Variants in SRGAP1 observed in about 807,000 individuals in gnomAD.
The protein encoded by SRGAP1 is SLIT-ROBO Rho GTPase-activating protein 1.
Under a neutral mutation model 121.9 loss-of-function variants are expected in SRGAP1, and 43 were observed. That is an observed-to-expected ratio of 0.35 (90% CI 0.28 to 0.46). SRGAP1 has a LOEUF of 0.46. Ranked by LOEUF, SRGAP1 falls within the 20% of genes least tolerant of loss-of-function variation. The probability of loss-of-function intolerance (pLI) is 1.00; values close to 1 mark genes in which losing one functional copy is unlikely to be tolerated. For synonymous variants in SRGAP1, 447 were observed against 485.4 expected (o/e 0.92, Z 1.04); for missense variants, 1,102 against 1,350.9 (o/e 0.82, Z 2.89).
intron 3 of SRGAP1, among the ~76,000 whole-genome samples, chr12:63,998,453 T>C (rs766154246): frequency 1.3e-5 from 2 of 152,128 alleles, no homozygotes; most frequent in Non-Finnish European, 2.9e-5. Context: ...CTGATGATGC[T>C]CATCACTGGA....
At chr12:64,005,805 CTTTTTATTT>C (rs1025160042) in intron 3 of SRGAP1, among the ~76,000 whole-genome samples, 1 of 152,080 alleles carries the variant, frequency 6.6e-6, no homozygotes, top group African/African-American at 2.4e-5. Context: ...CTTCTCTTCC[CTTTTTATTT>C]TTTCTGAAAC....
chr12:64,095,384 T>G (rs1055686555), intron 14 of SRGAP1, among the ~76,000 whole-genome samples, 180 bp downstream of exon 14: 4 of 152,162 alleles, frequency 2.6e-5, no homozygotes, highest in Non-Finnish European at 2.9e-5. Context: ...CTATAAGCCC[T>G]TGTTATTAAA....
At position 64,006,506 on chromosome 12, in the gene SRGAP1, G is replaced by A. The variant is rs570679528; in HGVS notation, c.427-10444G>A. Among the ~76,000 whole-genome samples, 3 of 152,262 alleles carry A rather than the reference G, an allele frequency of 2.0e-5. No individual in the cohort carries two copies. The South Asian group carries it at 6.2e-4, about 32-fold the overall frequency. Reference sequence around the variant, plus strand: ...CACAAGAATTTGAATCTCAGTTTGAGGAATTGGTATGTTGTTATCTAAGCA... The same window carrying A: ...CACAAGAATTTGAATCTCAGTTTGAAGAATTGGTATGTTGTTATCTAAGCA... On this transcript the variant is annotated intron_variant, in intron 3 of 21. Coordinates refer to ENST00000355086, the MANE Select transcript of SRGAP1 (RefSeq NM_020762.4).
intron 1 of SRGAP1, among the ~76,000 whole-genome samples, chr12:63,877,187 A>C (rs1363766243): frequency 6.6e-6 from 1 of 152,152 alleles, no homozygotes; most frequent in African/African-American, 2.4e-5. Context: ...TTGCGCCATT[A>C]CACTCCAGCT....
chr12:64,115,869 A>G lies in SRGAP1; in HGVS notation c.2200A>G (p.Thr734Ala), dbSNP rs771619538. The change falls in exon 18 of 22, where the codon ACA becomes GCA. Residue 734 changes from threonine to alanine, a missense_variant. This residue lies in a region of SRGAP1 where 747 missense variants were observed against 929.4 expected (regional missense o/e 0.80). Coordinates refer to ENST00000355086, the MANE Select transcript of SRGAP1 (RefSeq NM_020762.4). The part of the protein sequence containing the change: ...TLEEVDQDAG[T>A]EPHTSEDECE... ...GGAGGAAGTGGACCAAGATGCTGGT[A>G]CAGAGCCCCACACAAGTGAAGATGG... is the stretch of plus-strand genomic sequence containing the variant. The G allele has an allele frequency of 6.6e-5, 106 of 1,613,300 alleles. No homozygotes were observed. The highest frequency in any genetic ancestry group is 8.6e-5 in the Non-Finnish European group (102 of 1,179,564).
chr12:63,887,485 A>G (rs1379661277), intron 1 of SRGAP1: 1 of 152,278 alleles, frequency 6.6e-6, no homozygotes, highest in Non-Finnish European at 1.5e-5. Flanking sequence ...AAAGCTTTGC[A>G]GCCGAGAAGC....
chr12:64,091,379 G>GT lies in SRGAP1; in HGVS notation c.1539+2dup, dbSNP rs2036048929. ...TGGGGATTTGGAAACATTCGTCAAG[G>GT]TACTGGCACCAGCCATCTGGGTGGC... On this transcript the variant is annotated splice_donor_variant, in intron 12 of 21. Coordinates refer to ENST00000355086, the MANE Select transcript of SRGAP1 (RefSeq NM_020762.4). LOFTEE classifies it high-confidence loss of function. 4 of 1,600,878 alleles carry GT rather than the reference G, an allele frequency of 2.5e-6. 1 individual carries two copies. In the Admixed American group the frequency reaches 6.7e-5, roughly 27 times the overall value.
chr12:63,938,754 T>C (rs78887986), intron 1 of SRGAP1, among the ~76,000 whole-genome samples: 5 of 151,934 alleles, frequency 3.3e-5, no homozygotes, highest in Non-Finnish European at 5.9e-5. Flanking sequence ...TTTTTTTTTT[T>C]CCAGCCTGAA....
chr12:64,128,382 A>G (rs2036734020), intron 21 of SRGAP1, among the ~76,000 whole-genome samples, 182 bp downstream of exon 21: 1 of 152,192 alleles, frequency 6.6e-6, no homozygotes, highest in Admixed American at 6.5e-5. Flanking sequence ...TTTTTGAACA[A>G]TTTGTTACTG....
At chr12:64,069,506 G>A (rs184968766) in intron 8 of SRGAP1, among the ~76,000 whole-genome samples, 11 of 152,080 alleles carry the variant, frequency 7.2e-5, no homozygotes, top group African/African-American at 2.4e-4. Context: ...ACTTCCAGCC[G>A]ATCTGTCAGT....
chr12:64,152,619 C>G lies in SRGAP1; in HGVS notation c.*9947C>G, dbSNP rs2037130243. 1 of 152,222 alleles carries G rather than the reference C, an allele frequency of 6.6e-6. No homozygotes were observed. Among genetic ancestry groups the G allele is most frequent in the Non-Finnish European group, 1.5e-5 (1 of 68,054 alleles). The allele number at this position is 152,222 out of a possible 1,614,324, so 9.4% of individuals were successfully genotyped here. ...CTTTAGTTTCAGCCATAGCAAGCTA[C>G]CTTTCTTTGAAAATGTGATGCTGTG... On this transcript the variant is annotated 3_prime_UTR_variant, in exon 22 of 22. Transcript: ENST00000355086.
At chr12:63,940,402 TAAA>T (rs140140921) in intron 1 of SRGAP1, among the ~76,000 whole-genome samples, 4 of 117,994 alleles carry the variant, frequency 3.4e-5, no homozygotes, top group Non-Finnish European at 3.5e-5. Flanking sequence ...TTCCCCTACT[TAAA>T]AAAAAAAAAA....
At chr12:64,030,666 A>G (rs1024417170) in intron 4 of SRGAP1, among the ~76,000 whole-genome samples, 1 of 152,234 alleles carries the variant, frequency 6.6e-6, no homozygotes, top group Admixed American at 6.5e-5. Flanking sequence ...CATATCTGTA[A>G]GTATGTCAGC....
intron 6 of SRGAP1, among the ~76,000 whole-genome samples, chr12:64,046,242 A>G (rs1401883492): frequency 2.6e-5 from 4 of 152,188 alleles, no homozygotes; most frequent in African/African-American, 9.6e-5. Flanking sequence ...CAGAAGCCCT[A>G]TCACTTAGCA....
intron 6 of SRGAP1, among the ~76,000 whole-genome samples, chr12:64,057,828 A>G (rs1027286936): frequency 2.0e-5 from 3 of 152,168 alleles, no homozygotes; most frequent in Non-Finnish European, 4.4e-5. Flanking sequence ...ATTCCTTTCC[A>G]TTCTCACGAC....
At chr12:64,014,286 A>G (rs1025957038) in intron 3 of SRGAP1, among the ~76,000 whole-genome samples, 2 of 152,174 alleles carry the variant, frequency 1.3e-5, no homozygotes, top group African/African-American at 4.8e-5. Flanking sequence ...TATATATTTC[A>G]GGGCCTCTGG....
At chr12:63,946,643 A>G (rs924331152) in intron 1 of SRGAP1, among the ~76,000 whole-genome samples, 1 of 151,426 alleles carries the variant, frequency 6.6e-6, no homozygotes, top group Admixed American at 6.6e-5. Flanking sequence ...TGCTGGGTTC[A>G]AGCAATTCTT....
At chr12:63,972,628 C>T (rs7300256) in intron 1 of SRGAP1, among the ~76,000 whole-genome samples, 58,198 of 151,960 alleles carry the variant, frequency 0.38, 11,410 homozygotes, top group South Asian at 0.51. Context: ...AATTTAGAAA[C>T]TTGTTATTTG....
intron 6 of SRGAP1, among the ~76,000 whole-genome samples, chr12:64,061,907 G>T (rs552073640): frequency 8.1e-4 from 123 of 152,148 alleles, no homozygotes; most frequent in African/African-American, 2.6e-3. Context: ...TAATGATATG[G>T]CTATACCATA....
Sources: allele counts gnomAD v4.1 joint callset (sites outside exome capture counted in the v4.1 genomes callset), GRCh38; gene constraint gnomAD v4.1.1; regional missense constraint gnomAD v4.1.1; transcripts MANE v1.5; gene names NCBI Gene and HGNC (gene_info 2026-07-23, HGNC 2026-07-21).